The following TTC7B variants were observed in gnomAD, a reference collection of about 807,000 sequenced individuals.
TTC7B encodes the protein tetratricopeptide repeat protein 7B.
A neutral mutation model predicts 106.8 loss-of-function variants in TTC7B; 28 were observed. The observed-to-expected ratio is 0.26, with a 90% CI of 0.19 to 0.36. The LOEUF (loss-of-function observed/expected upper bound fraction) is 0.36. Among genes scored for constraint, TTC7B ranks in the 10% least tolerant of loss-of-function variants. TTC7B has a pLI of 1.00. For missense variants in TTC7B, 862 were observed against 1,076.4 expected (o/e 0.80, Z 2.79); for synonymous variants, 405 against 430.6 (o/e 0.94, Z 0.74).
In TTC7B at chr14:90,575,268, C is replaced by T. The variant is rs922550797; in HGVS notation, c.2310+2838G>A. On this transcript the variant is annotated intron_variant, in intron 19 of 19. Transcript: ENST00000328459. This position sits in a 1 kb window ranked among gnomAD's most constrained non-coding sequence, Gnocchi z 5.2. ...AATCTGTCTGCATGTTGTATTGGCGCGGTTATCCTCATTTATATAGCTGAG... is the reference window on the plus strand; with the variant it reads ...AATCTGTCTGCATGTTGTATTGGCGTGGTTATCCTCATTTATATAGCTGAG... 3.9e-5 allele frequency among the ~76,000 whole-genome samples: 6 copies of T among 152,204 alleles called. No individual in the cohort carries two copies. Among genetic ancestry groups the T allele is most frequent in the African/African-American group, 1.2e-4 (5 of 41,446 alleles).
intron 15 of TTC7B, 143 bp downstream of exon 15, chr14:90,643,905 G>C: frequency 9.1e-7 from 1 of 1,101,298 alleles, no homozygotes; most frequent in Non-Finnish European, 1.3e-6. Flanking sequence ...TTAATATCAG[G>C]AAAAAATAAC....
At position 90,759,870 on chromosome 14, in the gene TTC7B, G is replaced by A. The variant is rs1048662843; in HGVS notation, c.446-14948C>T. Among the ~76,000 whole-genome samples, 1 of 152,216 alleles carries A rather than the reference G, an allele frequency of 6.6e-6. No homozygotes were observed. Among genetic ancestry groups the A allele is most frequent in the East Asian group, 1.9e-4 (1 of 5,198 alleles). On this transcript the variant is annotated intron_variant, in intron 3 of 19. Transcript: ENST00000328459. The surrounding 1 kb of genome is among the most constrained non-coding windows in gnomAD (Gnocchi z 4.1). ...GAATGGCCCCGTCACAGGCACCCCT[G>A]TGCAGCAGGCACTGTTGTCCCTGGC...
At position 90,669,985 on chromosome 14, in the gene TTC7B, G is replaced by A. The variant is rs149987792; in HGVS notation, c.1152+6538C>T. On this transcript the variant is annotated intron_variant, in intron 9 of 19. Coordinates refer to ENST00000328459, the MANE Select transcript of TTC7B (RefSeq NM_001010854.2). ...CGGAAAACATGCTGTGTCTTTATGT[G>A]CAAGTGTTGATGTTGGCTGGGGACA... is the stretch of plus-strand genomic sequence containing the variant. Among the ~76,000 whole-genome samples, 510 of 152,338 alleles carry A rather than the reference G, an allele frequency of 3.3e-3. 3 individuals are homozygous for A. Among genetic ancestry groups the A allele is most frequent in the Non-Finnish European group, 5.5e-3 (371 of 68,020 alleles).
intron 5 of TTC7B, chr14:90,698,304 A>T (rs1256233158): frequency 1.3e-5 from 2 of 152,164 alleles, no homozygotes; most frequent in African/African-American, 2.4e-5. Flanking sequence ...CTATGAGATA[A>T]CCCAATTTGA....
At chr14:90,706,896 T>G (rs1163570691) in intron 5 of TTC7B, among the ~76,000 whole-genome samples, 1 of 152,224 alleles carries the variant, frequency 6.6e-6, no homozygotes, top group Non-Finnish European at 1.5e-5. Flanking sequence ...CACACATACA[T>G]GTACATATGT....
intron 15 of TTC7B, among the ~76,000 whole-genome samples, chr14:90,635,377 G>A (rs531087923): frequency 3.6e-4 from 55 of 152,208 alleles, no homozygotes; most frequent in African/African-American, 1.3e-3. Context: ...AAATAGCATG[G>A]TAGACACAAA....
At chr14:90,794,207 A>AT (rs1281204020) in intron 1 of TTC7B, among the ~76,000 whole-genome samples, 9 of 130,606 alleles carry the variant, frequency 6.9e-5, no homozygotes, top group African/African-American at 2.4e-4. Flanking sequence ...CTGGCTGGGT[A>AT]TTTCTTTTTT....
intron 16 of TTC7B, among the ~76,000 whole-genome samples, chr14:90,611,901 A>C (rs796691112): frequency 2.0e-5 from 3 of 152,312 alleles, no homozygotes; most frequent in African/African-American, 7.2e-5. Context: ...TGAGGTTTGA[A>C]TCTTCAATGC....
At chr14:90,703,837 A>T (rs1490348361) in intron 5 of TTC7B, among the ~76,000 whole-genome samples, 2 of 152,246 alleles carry the variant, frequency 1.3e-5, no homozygotes, top group Non-Finnish European at 2.9e-5. Context: ...GAGGCAGCAC[A>T]GTGCCGATGG....
intron 9 of TTC7B, among the ~76,000 whole-genome samples, chr14:90,673,874 C>T (rs910692705): frequency 1.3e-5 from 2 of 151,974 alleles, no homozygotes; most frequent in Non-Finnish European, 2.9e-5. Context: ...ATATGAAATA[C>T]CCCAAATCAG....
In TTC7B at chr14:90,730,119, T is replaced by C; in HGVS notation, c.654A>G (p.Leu218=). Residue 218 remains leucine (L), a synonymous_variant, in exon 5 of 20, where the codon CTA becomes CTG. Transcript: ENST00000328459. ...APHDQELGFF[L]ETGLQRAHVL... Reference sequence around the variant, plus strand: ...CATGGGCTCTCTGAAGTCCTGTTTCTAGGAAAAAACCTAGTTCTTGATCGT... The same window carrying C: ...CATGGGCTCTCTGAAGTCCTGTTTCCAGGAAAAAACCTAGTTCTTGATCGT... 1.2e-6 allele frequency: 2 copies of C among 1,613,824 alleles called. No individual in the cohort carries two copies. The highest frequency in any genetic ancestry group is 1.7e-6 in the Non-Finnish European group (2 of 1,179,916).
rs1016051752 is a variant in TTC7B, at chr14:90,786,305, C to T, written c.145G>A (p.Gly49Arg). The change falls in exon 2 of 20, where the codon GGG becomes AGG. Residue 49 changes from glycine (G) to arginine (R), a missense_variant. Gly to Arg is a moderately radical substitution (Grantham distance 125). Coordinates refer to ENST00000328459, the MANE Select transcript of TTC7B (RefSeq NM_001010854.2). ...ANDDMAELLL[G>R]ESKLEQYLKE... The stretch of plus-strand genomic sequence containing the variant: ...AGGTACTGCTCCAGCTTCGACTCCC[C>T]GAGGAGAAGCTCTGCCATGTCATCT... 4 of 1,613,370 alleles carry T rather than the reference C, an allele frequency of 2.5e-6. No homozygotes were observed. The highest frequency in any genetic ancestry group is 3.4e-6 in the Non-Finnish European group (4 of 1,179,700).
Position 90,780,822 on chromosome 14 carries a change from C to G in TTC7B, c.361G>C (p.Ala121Pro). 2 of 1,614,264 alleles carry G rather than the reference C, an allele frequency of 1.2e-6. No individual in the cohort carries two copies. Among genetic ancestry groups the G allele is most frequent in the Middle Eastern group, 3.3e-4 (2 of 6,062 alleles). Residue 121 changes from alanine (A) to proline (P), a missense_variant, in exon 3 of 20, where the codon GCC becomes CCC. Ala to Pro is a conservative substitution (Grantham distance 27). Transcript: ENST00000328459. ...GGCAGATCGTCCAGGCCCACCCGGG[C>G]GTAAATGTTCAGAGCTTCTTTATAA... ...GDYKEALNIYARVGLDDLPLT... is the reference protein window; with the variant it reads ...GDYKEALNIYPRVGLDDLPLT...
chr14:90,571,512 GA>G (rs1472220443), intron 19 of TTC7B, among the ~76,000 whole-genome samples: 1 of 151,496 alleles, frequency 6.6e-6, no homozygotes, highest in Admixed American at 6.6e-5. Context: ...TGCTCTAGAG[GA>G]AAAAAAAGTT....
rs1295394696 is a variant in TTC7B at position 90,533,761 on chromosome 14, G to A, written c.*7607C>T. 2.0e-5 allele frequency: 3 copies of A among 152,392 alleles called. No homozygotes were observed. The highest frequency in any genetic ancestry group is 4.4e-5 in the Non-Finnish European group (3 of 68,166). The allele number at this position is 152,392 out of a possible 1,614,324, so 9.4% of individuals were successfully genotyped here. A position where few individuals can be genotyped will look rare whatever the true frequency, so the allele number is the denominator to read the frequency against. ...ATGAGGGAGACGAGGAGGGTGGTGG[G>A]GGCTGTGGGTGGCCCGGATGGTCAG... On this transcript the variant is annotated 3_prime_UTR_variant, in exon 20 of 20. Coordinates refer to ENST00000328459, the MANE Select transcript of TTC7B (RefSeq NM_001010854.2).
intron 16 of TTC7B, 47 bp from the exon 17 acceptor site, chr14:90,610,886 G>C: frequency 2.1e-6 from 3 of 1,411,038 alleles, no homozygotes; most frequent in Non-Finnish European, 3.0e-6. Flanking sequence ...GGTGGGAGGA[G>C]GGAAGGAAAG....
At chr14:90,571,270 G>T (rs1232555138) in intron 19 of TTC7B, among the ~76,000 whole-genome samples, 6 of 152,240 alleles carry the variant, frequency 3.9e-5, no homozygotes, top group Non-Finnish European at 2.9e-5. Context: ...CTATCAAGCA[G>T]CTATCGAAGA....
At chr14:90,674,271 A>G (rs1452320369) in intron 9 of TTC7B, among the ~76,000 whole-genome samples, 2 of 152,232 alleles carry the variant, frequency 1.3e-5, no homozygotes, top group African/African-American at 4.8e-5. Flanking sequence ...GAGGGCCCAC[A>G]CTCAGCAAAG....
At chr14:90,634,129 G>A (rs947037677) in intron 15 of TTC7B, among the ~76,000 whole-genome samples, 3 of 151,924 alleles carry the variant, frequency 2.0e-5, no homozygotes, top group African/African-American at 4.8e-5. Flanking sequence ...CACCTGCCTC[G>A]GCCTCCCAAA....
Sources: allele counts gnomAD v4.1 joint callset (sites outside exome capture counted in the v4.1 genomes callset), GRCh38; gene constraint gnomAD v4.1.1; non-coding constraint Gnocchi (gnomAD v3.1); transcripts MANE v1.5; gene names NCBI Gene and HGNC (gene_info 2026-07-23, HGNC 2026-07-21).